Variants in SLC15A4 observed in about 807,000 individuals in gnomAD.
The protein encoded by SLC15A4 is hPHT1.
In SLC15A4, 26 loss-of-function variants were observed where a neutral mutation model predicts 46.1. The ratio of observed to expected loss-of-function variants is 0.56; its 90% CI spans 0.41 to 0.78. SLC15A4 has a LOEUF of 0.78. SLC15A4 is among the 30% of genes least tolerant of loss of function. SLC15A4 has a pLI of 0.00. For synonymous variants in SLC15A4, 370 were observed against 333.4 expected, an observed-to-expected ratio of 1.11 and a Z score of -1.20; for missense variants, 751 against 755.7, an observed-to-expected ratio of 0.99 and a Z score of 0.07.
rs1198164098 is a variant in SLC15A4 at position 128,810,329 on chromosome 12, C to T, written c.843-218G>A. The T allele has an allele frequency of 2.3e-5, 12 of 513,194 alleles. No homozygotes were observed. The South Asian group carries it at 2.5e-4, about 11-fold the overall frequency. 31.8% of individuals were successfully genotyped at this position (513,194 alleles called of 1,614,324 possible). Reference sequence around the variant, plus strand: ...ACAGCTGACAAAGGGACTTTCTAGTCAAAGTGAAACTGGGCTACTGTAATT... The same window carrying T: ...ACAGCTGACAAAGGGACTTTCTAGTTAAAGTGAAACTGGGCTACTGTAATT... On this transcript the variant is annotated intron_variant, in intron 2 of 7. Coordinates refer to ENST00000266771, the MANE Select transcript of SLC15A4 (RefSeq NM_145648.4).
chr12:128,816,950 A>T (rs541942079), intron 1 of SLC15A4, among the ~76,000 whole-genome samples: 1 of 152,244 alleles, frequency 6.6e-6, no homozygotes, highest in South Asian at 2.1e-4. Context: ...TATAGTTAAA[A>T]TTGTGTGTTC....
intron 5 of SLC15A4, among the ~76,000 whole-genome samples, chr12:128,807,862 A>T (rs1430621914): frequency 2.0e-5 from 3 of 152,234 alleles, no homozygotes; most frequent in Non-Finnish European, 2.9e-5. Context: ...AGATTTCTTA[A>T]GCCCAGGGAC....
rs1245050518 is a variant in SLC15A4 at position 128,823,446 on chromosome 12, C to G, written c.498G>C (p.Leu166=). The G allele has an allele frequency of 1.4e-6, 2 of 1,470,570 alleles. No homozygotes were observed. Among genetic ancestry groups the G allele is most frequent in the East Asian group, 2.9e-5 (1 of 34,796 alleles). The allele number at this position is 1,470,570 out of a possible 1,614,324, so 91.1% of individuals were successfully genotyped here. The part of the protein sequence containing the change: ...ATFAGLVLVG[L]GVATVKANIT... Reference sequence around the variant, plus strand: ...TGTTGGCCTTGACGGTGGCCACGCCCAGGCCCACCAGCACCAGCCCCGCGA... The same window carrying G: ...TGTTGGCCTTGACGGTGGCCACGCCGAGGCCCACCAGCACCAGCCCCGCGA... The change falls in exon 1 of 8, where the codon CTG becomes CTC. Residue 166 remains leucine, a synonymous_variant. Transcript: ENST00000266771.
chr12:128,799,434 G>A lies in SLC15A4; in HGVS notation c.1415-17C>T. 6.2e-7 allele frequency: 1 copy of A among 1,613,560 alleles called. No homozygotes were observed. Among genetic ancestry groups the A allele is most frequent in the Non-Finnish European group, 8.5e-7 (1 of 1,179,732 alleles). ...ATTCCAGGCCTGAGGAAAGAAAAGG[G>A]AGGGTCGTTTTTGTGAAAGGGGCAC... On this transcript the variant is annotated splice_polypyrimidine_tract_variant and intron_variant, in intron 6 of 7. Transcript: ENST00000266771.
Position 128,822,507 on chromosome 12 carries a change from G to A in SLC15A4, c.546+891C>T, listed in dbSNP as rs1010039143. Among the ~76,000 whole-genome samples, 7 of 152,162 alleles carry A rather than the reference G, an allele frequency of 4.6e-5. No individual in the cohort carries two copies. The South Asian group carries it at 8.3e-4, about 18-fold the overall frequency. On this transcript the variant is annotated intron_variant, in intron 1 of 7. Coordinates refer to ENST00000266771, the MANE Select transcript of SLC15A4 (RefSeq NM_145648.4). ...CCTAGCCTTCTGGTCTGAACTTACA[G>A]GGCCTGAACATAGAAGGGTCCCGTT...
At chr12:128,794,723 G>A (rs963011220) in intron 7 of SLC15A4, among the ~76,000 whole-genome samples, 1 of 152,208 alleles carries the variant, frequency 6.6e-6, no homozygotes, top group Non-Finnish European at 1.5e-5. Context: ...ACATGCGGTG[G>A]TGAAGGGGAC....
intron 1 of SLC15A4, chr12:128,815,322 A>AAGTATGTGGAAAAACTTGAGTTTTTCCC: frequency 2.3e-6 from 1 of 433,738 alleles, no homozygotes; most frequent in Non-Finnish European, 4.3e-6. Context: ...GAGTTTTTCC[A>AAGTATGTGGAAAAACTTGAGTTTTTCCC]AGTATATTCT....
chr12:128,815,182 C>A (rs200906089), intron 1 of SLC15A4, 112 bp from the exon 2 acceptor site: 5 of 1,009,616 alleles, frequency 5.0e-6, no homozygotes, highest in South Asian at 1.6e-5. Context: ...CTTTAAGAAG[C>A]GCAACACAAT....
chr12:128,818,164 C>T (rs1259791754), intron 1 of SLC15A4, among the ~76,000 whole-genome samples: 1 of 152,074 alleles, frequency 6.6e-6, no homozygotes, highest in East Asian at 1.9e-4. Flanking sequence ...AATCCATCCA[C>T]CAAGAACGAT....
chr12:128,814,643 G>T, intron 2 of SLC15A4, 132 bp downstream of exon 2: 1 of 908,584 alleles, frequency 1.1e-6, no homozygotes, highest in East Asian at 2.4e-5. Context: ...CAGTGTTAAA[G>T]GAGAGAAGAC....
intron 7 of SLC15A4, 136 bp downstream of exon 7, chr12:128,799,123 G>A (rs1955483470): frequency 5.7e-6 from 5 of 880,880 alleles, no homozygotes; most frequent in South Asian, 1.6e-5. Flanking sequence ...GAGCAGTGCT[G>A]TGGAAGGAGC....
chr12:128,810,801 C>A (rs1382566295), intron 2 of SLC15A4, among the ~76,000 whole-genome samples: 1 of 152,116 alleles, frequency 6.6e-6, no homozygotes, highest in Non-Finnish European at 1.5e-5. Context: ...CCCTCATTAA[C>A]CATGTGGTGT....
chr12:128,810,737 T>TGG (rs1244672527), intron 2 of SLC15A4, among the ~76,000 whole-genome samples: 2 of 152,168 alleles, frequency 1.3e-5, no homozygotes, highest in South Asian at 2.1e-4. Context: ...TCCCTGGCTC[T>TGG]GTCCCCTGAC....
At chr12:128,801,169 C>T (rs938969981) in intron 5 of SLC15A4, 160 bp from the exon 6 acceptor site, 1 of 630,752 alleles carries the variant, frequency 1.6e-6, no homozygotes, top group Non-Finnish European at 2.6e-6. Context: ...AGGCCCCCAG[C>T]CTTCAGCCTC....
At chr12:128,820,279 T>C (rs1332359656) in intron 1 of SLC15A4, among the ~76,000 whole-genome samples, 5 of 152,200 alleles carry the variant, frequency 3.3e-5, no homozygotes, top group South Asian at 2.1e-4. Flanking sequence ...AGAGCTGGGA[T>C]AGAAGTCCAG....
intron 5 of SLC15A4, 31 bp from the exon 6 acceptor site, chr12:128,801,040 T>A: frequency 6.4e-7 from 1 of 1,554,838 alleles, no homozygotes. Context: ...AGTGTAATAT[T>A]CATTTATTAA....
At position 128,823,495 on chromosome 12, in the gene SLC15A4, G is replaced by A; in HGVS notation, c.449C>T (p.Ala150Val). The change falls in exon 1 of 8, where the codon GCC becomes GTC. Residue 150 changes from alanine (A) to valine (V), a missense_variant. By Grantham distance (64) the Ala-to-Val change is moderately conservative. Coordinates refer to ENST00000266771, the MANE Select transcript of SLC15A4 (RefSeq NM_145648.4). ...NCTAPGPDAA[A>V]RCCSPATFAG... is the part of the protein sequence containing the mutation. Reference sequence around the variant, plus strand: ...GAAGGTGGCCGGTGAGCAGCAGCGGGCGGCGGCGTCGGGACCAGGCGCCGT... The same window carrying A: ...GAAGGTGGCCGGTGAGCAGCAGCGGACGGCGGCGTCGGGACCAGGCGCCGT... The A allele has an allele frequency of 1.1e-5, 16 of 1,485,090 alleles. No individual in the cohort carries two copies. The highest frequency in any genetic ancestry group is 1.4e-5 in the Non-Finnish European group (16 of 1,124,792). 92.0% of individuals were successfully genotyped at this position (1,485,090 alleles called of 1,614,324 possible).
intron 7 of SLC15A4, 122 bp downstream of exon 7, chr12:128,799,136 TG>T: frequency 9.9e-7 from 1 of 1,007,970 alleles, no homozygotes; most frequent in Non-Finnish European, 1.5e-6. Flanking sequence ...GAAGGAGCGG[TG>T]GACAGGCAGC....
At chr12:128,807,794 T>C (rs887114414) in intron 5 of SLC15A4, among the ~76,000 whole-genome samples, 7 of 152,246 alleles carry the variant, frequency 4.6e-5, no homozygotes, top group African/African-American at 1.7e-4. Context: ...ACTTTAATTA[T>C]CTATTTGAAC....
Sources: allele counts gnomAD v4.1 joint callset (sites outside exome capture counted in the v4.1 genomes callset), GRCh38; gene constraint gnomAD v4.1.1; transcripts MANE v1.5; gene names NCBI Gene and HGNC (gene_info 2026-07-23, HGNC 2026-07-21).